Variants in MTHFD1L observed in about 807,000 individuals in gnomAD.
MTHFD1L encodes the protein monofunctional C1-tetrahydrofolate synthase, mitochondrial.
A neutral mutation model predicts 119.5 loss-of-function variants in MTHFD1L; 81 were observed. That is an observed-to-expected ratio of 0.68 (90% CI 0.57 to 0.82). The LOEUF (loss-of-function observed/expected upper bound fraction) is 0.82, where lower values mean the gene tolerates loss of function less well. MTHFD1L is among the 40% of genes least tolerant of loss of function. The pLI, the probability that MTHFD1L is intolerant of heterozygous loss-of-function variation, is 0.00. For synonymous variants in MTHFD1L, 430 were observed against 475.2 expected, an observed-to-expected ratio of 0.90 and a Z score of 1.24; for missense variants, 1,125 against 1,253.4, an observed-to-expected ratio of 0.90 and a Z score of 1.55.
chr6:151,091,114 G>A (rs1297568131), intron 26 of MTHFD1L, among the ~76,000 whole-genome samples: 1 of 147,344 alleles, frequency 6.8e-6, no homozygotes, highest in Non-Finnish European at 1.5e-5. Flanking sequence ...ACTGGGTACA[G>A]CATCGTTCTA....
At chr6:151,101,351 G>A (rs1007509219) in intron 27 of MTHFD1L, among the ~76,000 whole-genome samples, 175 bp from the exon 28 acceptor site, 2 of 151,998 alleles carry the variant, frequency 1.3e-5, no homozygotes, top group African/African-American at 4.8e-5. Flanking sequence ...GCTTCTCCAC[G>A]TCTGCTAAGT....
At chr6:150,885,761 T>A in intron 6 of MTHFD1L, 27 bp downstream of exon 6, 1 of 1,513,504 alleles carries the variant, frequency 6.6e-7, no homozygotes, top group Non-Finnish European at 9.2e-7. Flanking sequence ...GAAATGCCGC[T>A]GATTTCTATT....
intron 11 of MTHFD1L, among the ~76,000 whole-genome samples, chr6:150,927,710 G>A (rs1248621032): frequency 6.6e-6 from 1 of 151,944 alleles, no homozygotes; most frequent in Admixed American, 6.6e-5. Flanking sequence ...ACCCACCTTG[G>A]CATCCCAAAG....
intron 14 of MTHFD1L, 52 bp downstream of exon 14, chr6:150,944,645 G>A: frequency 7.6e-7 from 1 of 1,312,958 alleles, no homozygotes; most frequent in South Asian, 1.2e-5. Flanking sequence ...TGGAATTCCT[G>A]GATTCTTAAG....
At position 150,922,545 on chromosome 6, in the gene MTHFD1L, A is replaced by T. The variant is rs552285768; in HGVS notation, c.1082+243A>T. ...TTTTTTTATTTCAATGATGTTTTCT[A>T]TATTAAATGGCAGTTTTTTAATGAT... On this transcript the variant is annotated intron_variant, in intron 10 of 27. Transcript: ENST00000367321. 2.0e-5 allele frequency among the ~76,000 whole-genome samples: 3 copies of T among 152,116 alleles called. No homozygotes were observed. The East Asian group carries it at 5.8e-4, about 29-fold the overall frequency.
intron 24 of MTHFD1L, chr6:151,021,946 A>AAACATTTTAAGGTGTAGCCTTGAC: frequency 2.2e-6 from 1 of 460,676 alleles, no homozygotes; most frequent in Non-Finnish European, 4.5e-6. Context: ...CTAGCCTTGC[A>AAACATTTTAAGGTGTAGCCTTGAC]AACATTTTAA....
intron 26 of MTHFD1L, chr6:151,056,097 C>T (rs1045707407): frequency 6.6e-6 from 1 of 152,194 alleles, no homozygotes; most frequent in Non-Finnish European, 1.5e-5. Flanking sequence ...TTCTGGCTGA[C>T]CCGTCACTTG....
chr6:150,898,065 A>G (rs1784533181), intron 7 of MTHFD1L, among the ~76,000 whole-genome samples: 1 of 152,154 alleles, frequency 6.6e-6, no homozygotes, highest in South Asian at 2.1e-4. Flanking sequence ...GCTGGTCTCG[A>G]ACTCCTGACC....
At chr6:150,917,449 C>A (rs1167264825) in intron 8 of MTHFD1L, among the ~76,000 whole-genome samples, 1 of 151,858 alleles carries the variant, frequency 6.6e-6, no homozygotes, top group Non-Finnish European at 1.5e-5. Context: ...GAGATCGTGC[C>A]ATTGCACTCC....
At chr6:150,930,310 T>G (rs1790811835) in intron 11 of MTHFD1L, among the ~76,000 whole-genome samples, 1 of 152,220 alleles carries the variant, frequency 6.6e-6, no homozygotes, top group African/African-American at 2.4e-5. Flanking sequence ...AAAGTCAATT[T>G]GAAATAAAAA....
intron 11 of MTHFD1L, among the ~76,000 whole-genome samples, chr6:150,929,146 C>G (rs1017570883): frequency 6.6e-6 from 1 of 152,188 alleles, no homozygotes; most frequent in African/African-American, 2.4e-5. Context: ...TAGATTGGCT[C>G]CGGGGTCTCT....
chr6:151,049,374 C>A (rs570717358), intron 26 of MTHFD1L, among the ~76,000 whole-genome samples: 1 of 152,070 alleles, frequency 6.6e-6, no homozygotes, highest in East Asian at 2.0e-4. Context: ...CGCCTGTAGT[C>A]CCAGCTACTC....
intron 19 of MTHFD1L, 49 bp downstream of exon 19, chr6:150,965,086 A>G: frequency 6.4e-7 from 1 of 1,552,654 alleles, no homozygotes; most frequent in Non-Finnish European, 8.9e-7. Flanking sequence ...CTGGATTGCC[A>G]CACAATGTGA....
chr6:150,998,104 A>G (rs2128459363), intron 20 of MTHFD1L, among the ~76,000 whole-genome samples: 1 of 152,264 alleles, frequency 6.6e-6, no homozygotes, highest in East Asian at 1.9e-4. Flanking sequence ...AAACAGTGCT[A>G]CTTTCACTTA....
intron 20 of MTHFD1L, among the ~76,000 whole-genome samples, chr6:150,994,078 A>AGG (rs1779448088): frequency 5.1e-5 from 6 of 118,060 alleles, no homozygotes; most frequent in African/African-American, 3.1e-4. Context: ...AAAAAAAAAA[A>AGG]AAGAAAGAAA....
intron 20 of MTHFD1L, among the ~76,000 whole-genome samples, chr6:151,005,638 A>T (rs924211600): frequency 1.3e-5 from 2 of 152,122 alleles, no homozygotes; most frequent in African/African-American, 4.8e-5. Context: ...GCCGGGCATG[A>T]TGGCGGGTGC....
At chr6:150,994,061 CAGT>C (rs1779397885) in intron 20 of MTHFD1L, among the ~76,000 whole-genome samples, 1 of 36,162 alleles carries the variant, frequency 2.8e-5, no homozygotes, top group Non-Finnish European at 4.4e-5. Context: ...ATAACAACAA[CAGT>C]AAAAAAAAAA....
chr6:150,934,815 G>A (rs1182542827), intron 11 of MTHFD1L, among the ~76,000 whole-genome samples: 1 of 152,192 alleles, frequency 6.6e-6, no homozygotes, highest in Non-Finnish European at 1.5e-5. Context: ...GACGTGGGGT[G>A]CTTATCCCTC....
At chr6:151,000,349 A>G (rs1431771296) in intron 20 of MTHFD1L, among the ~76,000 whole-genome samples, 11 of 152,098 alleles carry the variant, frequency 7.2e-5, no homozygotes, top group African/African-American at 1.9e-4. Context: ...AAAAAAAAAA[A>G]AAAGAAAAAA....
Sources: gnomAD v4.1 joint callset for allele counts (sites outside exome capture counted in the v4.1 genomes callset) on GRCh38, gnomAD v4.1.1 for gene constraint, MANE v1.5 for transcripts, NCBI Gene and HGNC (gene_info 2026-07-23, HGNC 2026-07-21) for gene names.